The following SPIDR variants were observed in gnomAD, a reference collection of about 807,000 sequenced individuals.
SPIDR encodes the protein DNA repair-scaffolding protein.
In SPIDR, 93 loss-of-function variants were observed where a neutral mutation model predicts 104.6. The ratio of observed to expected loss-of-function variants is 0.89; its 90% CI spans 0.75 to 1.06. The LOEUF (loss-of-function observed/expected upper bound fraction) is 1.06. Ranked by LOEUF, SPIDR falls within the 50% of genes least tolerant of loss-of-function variation. SPIDR has a pLI of 0.00. For missense variants in SPIDR, 1,154 were observed against 1,111.2 expected, an observed-to-expected ratio of 1.04 and a Z score of -0.55; for synonymous variants, 431 against 416.9, an observed-to-expected ratio of 1.03 and a Z score of -0.41.
rs191152371 is a variant in SPIDR, at chr8:47,699,096, A to G, written c.1686-1307A>G. ...TTACTCTGTTTCTTCACAAAGTAAC[A>G]CTAGGATTAAAATCCTGTCTTCAAC... On this transcript the variant is annotated intron_variant, in intron 11 of 19. Coordinates refer to ENST00000297423, the MANE Select transcript of SPIDR (RefSeq NM_001080394.4). Among the ~76,000 whole-genome samples, 763 of 152,346 alleles carry G rather than the reference A, an allele frequency of 5.0e-3. 1 individual carries two copies. Among genetic ancestry groups the G allele is most frequent in the Non-Finnish European group, 7.3e-3 (500 of 68,034 alleles).
chr8:47,588,038 T>TGC (rs2060481365), intron 8 of SPIDR, among the ~76,000 whole-genome samples: 1 of 24,160 alleles, frequency 4.1e-5, no homozygotes, highest in Non-Finnish European at 7.9e-5. Flanking sequence ...TATATATATA[T>TGC]ATATATATAT....
intron 2 of SPIDR, 74 bp downstream of exon 2, chr8:47,280,091 A>G (rs1586255543): frequency 6.9e-6 from 10 of 1,442,064 alleles, no homozygotes; most frequent in South Asian, 6.6e-5. Flanking sequence ...TTGTAATTAC[A>G]TTTCATTGTA....
chr8:47,554,081 C>G (rs151076611), intron 8 of SPIDR, among the ~76,000 whole-genome samples: 3,783 of 152,216 alleles, frequency 0.025, 69 homozygotes, highest in Non-Finnish European at 0.037. Context: ...TGCAGAACGG[C>G]AAATGTTGCT....
At chr8:47,379,468 TGTA>T (rs2059067307) in intron 5 of SPIDR, among the ~76,000 whole-genome samples, 1 of 152,118 alleles carries the variant, frequency 6.6e-6, no homozygotes, top group Non-Finnish European at 1.5e-5. Context: ...AGGCGGAGGT[TGTA>T]GTGAGCCAAG....
At chr8:47,358,935 C>T (rs1554627866) in intron 5 of SPIDR, among the ~76,000 whole-genome samples, 1 of 151,994 alleles carries the variant, frequency 6.6e-6, no homozygotes, top group Non-Finnish European at 1.5e-5. Flanking sequence ...ACATAAATTT[C>T]TGGTAGTCTC....
At chr8:47,464,920 C>T (rs1159169238) in intron 8 of SPIDR, among the ~76,000 whole-genome samples, 7 of 152,004 alleles carry the variant, frequency 4.6e-5, no homozygotes, top group Non-Finnish European at 1.0e-4. Context: ...AGGCATGCAC[C>T]ACCACACCTG....
At chr8:47,452,217 GC>G (rs2154349032) in intron 8 of SPIDR, among the ~76,000 whole-genome samples, 1 of 152,174 alleles carries the variant, frequency 6.6e-6, no homozygotes, top group African/African-American at 2.4e-5. Context: ...AATATTAACA[GC>G]TTATTTCTTA....
At chr8:47,466,240 C>T (rs1554716834) in intron 8 of SPIDR, among the ~76,000 whole-genome samples, 1 of 152,190 alleles carries the variant, frequency 6.6e-6, no homozygotes, top group Non-Finnish European at 1.5e-5. Flanking sequence ...TATTACATAG[C>T]ACATACTCTA....
rs147331363 is a variant in SPIDR, at chr8:47,522,678, A to G, written c.1098-73133A>G. ...TATTCCATTGCTTTGCTCTGTTAAA[A>G]AAGACAGTTAAAAGTAAGAAGTATT... On this transcript the variant is annotated intron_variant, in intron 8 of 19. Transcript: ENST00000297423. 4.1e-4 allele frequency among the ~76,000 whole-genome samples: 62 copies of G among 152,338 alleles called. No homozygotes were observed. In the East Asian group the frequency reaches 0.012, roughly 28 times the overall value.
chr8:47,345,044 A>G (rs1372579722), intron 5 of SPIDR, among the ~76,000 whole-genome samples: 2 of 152,218 alleles, frequency 1.3e-5, no homozygotes, highest in African/African-American at 4.8e-5. Flanking sequence ...GCCCATGCCT[A>G]TGTCCTGAAT....
At chr8:47,344,658 A>G (rs1170924398) in intron 5 of SPIDR, among the ~76,000 whole-genome samples, 4 of 152,184 alleles carry the variant, frequency 2.6e-5, no homozygotes, top group African/African-American at 7.2e-5. Flanking sequence ...AATGATTGCC[A>G]TTCTCACTGG....
intron 8 of SPIDR, among the ~76,000 whole-genome samples, chr8:47,537,897 C>G (rs2087215996): frequency 6.6e-6 from 1 of 152,100 alleles, no homozygotes; most frequent in Non-Finnish European, 1.5e-5. Context: ...AAAAACAGGG[C>G]CAGACATGGT....
chr8:47,563,856 T>A (rs2057399610), intron 8 of SPIDR, among the ~76,000 whole-genome samples: 1 of 152,128 alleles, frequency 6.6e-6, no homozygotes, highest in Non-Finnish European at 1.5e-5. Flanking sequence ...TAGTTGCTCT[T>A]GTTGGAAGTA....
intron 14 of SPIDR, among the ~76,000 whole-genome samples, chr8:47,708,255 T>C (rs2154486488): frequency 6.6e-6 from 1 of 152,334 alleles, no homozygotes; most frequent in Admixed American, 6.5e-5. Flanking sequence ...GCCGAAATTG[T>C]GCCACTACAC....
At chr8:47,261,020 C>T in intron 1 of SPIDR, 29 bp downstream of exon 1, 3 of 1,226,830 alleles carry the variant, frequency 2.4e-6, no homozygotes, top group Admixed American at 8.5e-5. Flanking sequence ...GTGGGCGCCG[C>T]GCCGTTTCCC....
rs139075739 is a variant in SPIDR, at chr8:47,357,489, G to A, written c.526-38887G>A. 8.4e-4 allele frequency among the ~76,000 whole-genome samples: 128 copies of A among 152,204 alleles called. 3 individuals carry two copies. In the East Asian group the frequency reaches 0.023, roughly 27 times the overall value. ...GCCCGAAGAAAAGATGGAGTGGAGG[G>A]GCTTAGATGGCCAAGAGAAGAAATT... On this transcript the variant is annotated intron_variant, in intron 5 of 19. Coordinates refer to ENST00000297423, the MANE Select transcript of SPIDR (RefSeq NM_001080394.4).
chr8:47,390,195 C>A (rs2060413227), intron 5 of SPIDR, among the ~76,000 whole-genome samples: 1 of 152,154 alleles, frequency 6.6e-6, no homozygotes, highest in Non-Finnish European at 1.5e-5. Flanking sequence ...CACAGGGTCT[C>A]TACAGAGCCA....
intron 7 of SPIDR, among the ~76,000 whole-genome samples, chr8:47,412,838 A>G (rs2063727559): frequency 6.6e-6 from 1 of 152,144 alleles, no homozygotes; most frequent in East Asian, 1.9e-4. Flanking sequence ...ATCTCTAAAT[A>G]GTTTCTGTTT....
chr8:47,611,461 G>C (rs189783285), intron 10 of SPIDR, among the ~76,000 whole-genome samples: 1 of 152,152 alleles, frequency 6.6e-6, no homozygotes, highest in Admixed American at 6.5e-5. Flanking sequence ...CACTTTGGGA[G>C]GCCGAGACGG....
Sources: allele counts gnomAD v4.1 joint callset (sites outside exome capture counted in the v4.1 genomes callset), GRCh38; gene constraint gnomAD v4.1.1; transcripts MANE v1.5; gene names NCBI Gene and HGNC (gene_info 2026-07-23, HGNC 2026-07-21).